The following STPG2 variants were observed in gnomAD, a reference collection of about 807,000 sequenced individuals.
STPG2 encodes sperm-tail PG-rich repeat-containing protein 2.
STPG2 carries 56 observed loss-of-function variants against 54.2 expected under a neutral mutation model. The observed-to-expected ratio is 1.03, with a 90% confidence interval of 0.83 to 1.29. The LOEUF is 1.29. STPG2 is among the 50% of genes most tolerant of loss of function. The pLI is 0.00. For missense variants in STPG2, 596 were observed against 544.9 expected (o/e 1.09, Z -0.93); for synonymous variants, 200 against 181.8 (o/e 1.10, Z -0.81).
chr4:97,791,316 G>A (rs528088702), intron 9 of STPG2, among the ~76,000 whole-genome samples: 2 of 152,196 alleles, frequency 1.3e-5, no homozygotes, highest in Admixed American at 1.3e-4. Context: ...AAAACAACTT[G>A]ACTGGAAAAC....
intron 10 of STPG2, among the ~76,000 whole-genome samples, chr4:97,680,607 T>C (rs1189060125): frequency 6.6e-6 from 1 of 152,098 alleles, no homozygotes; most frequent in African/African-American, 2.4e-5. Flanking sequence ...TTTTCCTAAT[T>C]GAATACCCTT....
chr4:97,537,226 T>G (rs1011926499), intron 4 of STPG2, among the ~76,000 whole-genome samples: 3 of 151,992 alleles, frequency 2.0e-5, no homozygotes, highest in Non-Finnish European at 4.4e-5. Context: ...GAACCGAGTG[T>G]GAGCCAAAAC....
intron 5 of STPG2, among the ~76,000 whole-genome samples, chr4:97,994,176 A>G (rs151240102): frequency 6.6e-6 from 1 of 151,976 alleles, no homozygotes; most frequent in Non-Finnish European, 1.5e-5. Context: ...CATTCTTACC[A>G]TTCAGTTCAA....
chr4:98,042,218 CTGTT>C (rs1472361491), intron 5 of STPG2, among the ~76,000 whole-genome samples: 1 of 124,886 alleles, frequency 8.0e-6, no homozygotes, highest in Admixed American at 7.5e-5. Context: ...TGGATTTTCT[CTGTT>C]TTTTTTGGTA....
intron 6 of STPG2, 76 bp from the exon 7 acceptor site, chr4:97,972,516 T>G: frequency 1.2e-6 from 1 of 853,460 alleles, no homozygotes; most frequent in East Asian, 3.0e-5. Context: ...TAATTTTTAA[T>G]TAAGGGTTTT....
At chr4:98,009,182 T>C in intron 5 of STPG2, among the ~76,000 whole-genome samples, 1 of 152,062 alleles carries the variant, frequency 6.6e-6, no homozygotes, top group Non-Finnish European at 1.5e-5. Context: ...TGGGCTTGTT[T>C]ATTTCAGATC....
At chr4:97,514,294 A>T (rs1365388235) in intron 4 of STPG2, among the ~76,000 whole-genome samples, 1 of 152,080 alleles carries the variant, frequency 6.6e-6, no homozygotes, top group Admixed American at 6.6e-5. Flanking sequence ...AAATAAGAGA[A>T]AGGAGATGAA....
chr4:97,444,367 CT>C (rs544792673), intron 4 of STPG2, among the ~76,000 whole-genome samples: 5 of 152,172 alleles, frequency 3.3e-5, no homozygotes, highest in African/African-American at 9.6e-5. Context: ...GTAAAATTGA[CT>C]TTTTTTAACG....
chr4:97,572,207 G>C (rs989296664), intron 10 of STPG2, among the ~76,000 whole-genome samples: 4 of 152,100 alleles, frequency 2.6e-5, no homozygotes, highest in African/African-American at 9.7e-5. Context: ...TATGACCATG[G>C]AGTGAAATGG....
intron 5 of STPG2, among the ~76,000 whole-genome samples, chr4:98,069,313 C>CGAGTAGATAA (rs1443902866): frequency 2.6e-5 from 4 of 152,002 alleles, no homozygotes; most frequent in Middle Eastern, 3.4e-3. Flanking sequence ...TAGTAATTAT[C>CGAGTAGATAA]TTAGAAATGA....
chr4:97,615,998 C>G (rs1733851754), intron 10 of STPG2, among the ~76,000 whole-genome samples: 1 of 135,358 alleles, frequency 7.4e-6, no homozygotes, highest in Admixed American at 8.1e-5. Context: ...GATCACGCCA[C>G]TGTACTCCAG....
intron 10 of STPG2, among the ~76,000 whole-genome samples, chr4:97,623,913 T>G (rs1734076293): frequency 1.3e-5 from 2 of 152,158 alleles, no homozygotes; most frequent in South Asian, 4.1e-4. Flanking sequence ...TCTGCATTAG[T>G]TTGCTGAGGA....
chr4:97,958,577 C>T (rs1028171706), intron 7 of STPG2, among the ~76,000 whole-genome samples: 3 of 152,090 alleles, frequency 2.0e-5, no homozygotes, highest in African/African-American at 7.2e-5. Flanking sequence ...ACACCAAAAG[C>T]CAGGAGAAGT....
chr4:97,972,246 C>T (rs1166499923), intron 7 of STPG2, 34 bp downstream of exon 7: 7 of 1,400,196 alleles, frequency 5.0e-6, no homozygotes, highest in South Asian at 1.5e-5. Flanking sequence ...TGATATTCAA[C>T]ATAAAGAATA....
chr4:97,528,298 T>C (rs913004921), intron 4 of STPG2, among the ~76,000 whole-genome samples: 2 of 152,164 alleles, frequency 1.3e-5, no homozygotes, highest in Non-Finnish European at 2.9e-5. Flanking sequence ...TTGTCAAAGA[T>C]CAGTTGGTTG....
At chr4:98,130,964 T>TATAGCCC (rs1739978403) in intron 2 of STPG2, among the ~76,000 whole-genome samples, 1 of 124,714 alleles carries the variant, frequency 8.0e-6, no homozygotes, top group African/African-American at 3.0e-5. Context: ...CTTTCCAAAA[T>TATAGCCC]ATAGCCCCTA....
chr4:97,730,320 C>T (rs188950981), intron 9 of STPG2, among the ~76,000 whole-genome samples: 2 of 152,308 alleles, frequency 1.3e-5, no homozygotes, highest in Admixed American at 6.5e-5. Context: ...CATGTTGCTG[C>T]AAAGGACATG....
chr4:97,481,223 T>G (rs1730213016), intron 4 of STPG2, among the ~76,000 whole-genome samples: 1 of 151,588 alleles, frequency 6.6e-6, no homozygotes, highest in African/African-American at 2.4e-5. Context: ...AGTCAATTTT[T>G]GAACCCTGAA....
At chr4:97,853,922 C>G (rs914549090) in intron 8 of STPG2, among the ~76,000 whole-genome samples, 6 of 152,120 alleles carry the variant, frequency 3.9e-5, no homozygotes, top group African/African-American at 1.4e-4. Flanking sequence ...GCTGGAACTA[C>G]AAGCACAGGC....
Sources: allele counts gnomAD v4.1 joint callset (sites outside exome capture counted in the v4.1 genomes callset), GRCh38; gene constraint gnomAD v4.1.1; transcripts MANE v1.5; gene names NCBI Gene and HGNC (gene_info 2026-07-23, HGNC 2026-07-21).